Variants in RPS6KC1 observed in about 807,000 individuals in gnomAD.
RPS6KC1 encodes inactive ribosomal protein S6 kinase delta-1.
In RPS6KC1, 54 loss-of-function variants were observed where a neutral mutation model predicts 103.8. That is an observed-to-expected ratio of 0.52 (90% confidence interval 0.42 to 0.65). The LOEUF (loss-of-function observed/expected upper bound fraction) is 0.65, where lower values mean the gene tolerates loss of function less well. Among genes scored for constraint, RPS6KC1 ranks in the 30% least tolerant of loss-of-function variants. The pLI is 0.00. For missense variants in RPS6KC1, 1,151 were observed against 1,253.8 expected (o/e 0.92, Z 1.24); for synonymous variants, 439 against 438.7 (o/e 1.00, Z -0.01).
the RPS6KC1 span, among the ~76,000 whole-genome samples, chr1:213,825,579 G>C: frequency 1.3e-5 from 2 of 152,122 alleles, no homozygotes; most frequent in South Asian, 4.1e-4. Flanking sequence ...GCCCAGGTTA[G>C]AGTGACTCAT....
the RPS6KC1 span, among the ~76,000 whole-genome samples, chr1:213,637,262 G>T: frequency 1.3e-5 from 2 of 151,820 alleles, no homozygotes; most frequent in Non-Finnish European, 2.9e-5. Flanking sequence ...CCATTACTGG[G>T]TGTATACCCA....
At chr1:213,611,402 G>A in the RPS6KC1 span, among the ~76,000 whole-genome samples, 1 of 152,128 alleles carries the variant, frequency 6.6e-6, no homozygotes, top group African/African-American at 2.4e-5. Flanking sequence ...TGTTTGTTGG[G>A]GAGGGGTGGA....
At chr1:213,474,323 G>A in the RPS6KC1 span, among the ~76,000 whole-genome samples, 4 of 151,972 alleles carry the variant, frequency 2.6e-5, no homozygotes, top group Non-Finnish European at 4.4e-5. Flanking sequence ...AGCTTGCAGC[G>A]AACTGGTGCT....
At chr1:213,209,139 C>T (rs893443244) in intron 8 of RPS6KC1, among the ~76,000 whole-genome samples, 1 of 152,008 alleles carries the variant, frequency 6.6e-6, no homozygotes, top group Non-Finnish European at 1.5e-5. Flanking sequence ...TGTGATGTAC[C>T]CCTCTACCTG....
the RPS6KC1 span, among the ~76,000 whole-genome samples, chr1:213,701,177 T>C: frequency 6.6e-6 from 1 of 152,034 alleles, no homozygotes; most frequent in African/African-American, 2.4e-5. Context: ...TTTGGTGTGA[T>C]ACTAGCTGTG....
intron 8 of RPS6KC1, among the ~76,000 whole-genome samples, chr1:213,211,438 T>G (rs530133936): frequency 6.6e-6 from 1 of 152,302 alleles, no homozygotes; most frequent in Admixed American, 6.5e-5. Flanking sequence ...GCCTCCTAAG[T>G]GGTTGTTTCT....
At chr1:213,707,351 T>G in the RPS6KC1 span, among the ~76,000 whole-genome samples, 1 of 152,240 alleles carries the variant, frequency 6.6e-6, no homozygotes, top group Non-Finnish European at 1.5e-5. Context: ...TGTCTTCTTT[T>G]GAAAAGTGTC....
intron 8 of RPS6KC1, among the ~76,000 whole-genome samples, chr1:213,215,442 G>A (rs1175690725): frequency 2.0e-5 from 3 of 152,174 alleles, no homozygotes; most frequent in Non-Finnish European, 4.4e-5. Flanking sequence ...GAACCAAGTT[G>A]GAAAACACTC....
chr1:213,812,962 A>G, the RPS6KC1 span, among the ~76,000 whole-genome samples: 7 of 152,268 alleles, frequency 4.6e-5, no homozygotes, highest in Admixed American at 4.6e-4. Flanking sequence ...TTTTATGGCT[A>G]AAGATGTCGG....
chr1:213,123,272 A>G (rs763493488), intron 5 of RPS6KC1, among the ~76,000 whole-genome samples: 8 of 152,172 alleles, frequency 5.3e-5, no homozygotes, highest in Non-Finnish European at 2.9e-5. Context: ...CCTGGAGGCT[A>G]GAGAAAGTTA....
Position 213,151,627 on chromosome 1 carries a change from G to T in RPS6KC1, c.836-16231G>T, listed in dbSNP as rs2088940613. ...GACCCCCCCACCTCCATCCCAGACG[G>T]GGCGGCTGGCTGGGCAGAGGGGCTC... On this transcript the variant is annotated intron_variant, in intron 6 of 14. Coordinates refer to ENST00000366960, the MANE Select transcript of RPS6KC1 (RefSeq NM_012424.6). Among the ~76,000 whole-genome samples the T allele has an allele frequency of 3.2e-5, 3 of 92,726 alleles. 1 individual carries two copies. Among genetic ancestry groups the T allele is most frequent in the African/African-American group, 1.6e-4 (3 of 18,874 alleles). The allele number at this position is 92,726 out of a possible 152,430, so 60.8% of individuals were successfully genotyped here.
the RPS6KC1 span, among the ~76,000 whole-genome samples, chr1:213,634,329 G>C: frequency 1.4e-4 from 22 of 152,194 alleles, no homozygotes; most frequent in Non-Finnish European, 2.9e-4. Flanking sequence ...ATAGTTGGAA[G>C]TAAAGCACTC....
the RPS6KC1 span, among the ~76,000 whole-genome samples, chr1:213,740,647 T>G: frequency 8.2e-4 from 124 of 151,556 alleles, 1 homozygote; most frequent in African/African-American, 2.5e-3. Flanking sequence ...CACATACATA[T>G]ATCTCTCAGA....
At chr1:213,356,654 C>G in the RPS6KC1 span, among the ~76,000 whole-genome samples, 2 of 151,946 alleles carry the variant, frequency 1.3e-5, no homozygotes, top group Non-Finnish European at 2.9e-5. Flanking sequence ...AAAGCTCCAT[C>G]TCAAGAAAAA....
the RPS6KC1 span, among the ~76,000 whole-genome samples, chr1:213,563,256 A>C: frequency 6.6e-6 from 1 of 152,086 alleles, no homozygotes; most frequent in Admixed American, 6.5e-5. Flanking sequence ...ATTTCATCTG[A>C]TATCAATGTG....
At chr1:213,284,100 T>C in the RPS6KC1 span, among the ~76,000 whole-genome samples, 1 of 152,168 alleles carries the variant, frequency 6.6e-6, no homozygotes, top group African/African-American at 2.4e-5. Flanking sequence ...GAAAGATATT[T>C]TAAAAAGTAT....
the RPS6KC1 span, among the ~76,000 whole-genome samples, chr1:213,550,280 C>A: frequency 2.0e-5 from 3 of 152,122 alleles, no homozygotes; most frequent in East Asian, 5.8e-4. Flanking sequence ...TTGTTTCTTA[C>A]GAAATTGACT....
the RPS6KC1 span, among the ~76,000 whole-genome samples, chr1:213,341,984 T>C: frequency 6.6e-6 from 1 of 152,266 alleles, no homozygotes; most frequent in South Asian, 2.1e-4. Context: ...TATCAAACTT[T>C]GCCTCTTGGC....
chr1:213,657,116 C>A, the RPS6KC1 span, among the ~76,000 whole-genome samples: 1 of 152,048 alleles, frequency 6.6e-6, no homozygotes, highest in East Asian at 1.9e-4. Context: ...ATCTTGCATG[C>A]ACTCCTAGCA....
Sources: allele counts gnomAD v4.1 joint callset (sites outside exome capture counted in the v4.1 genomes callset), GRCh38; gene constraint gnomAD v4.1.1; transcripts MANE v1.5; gene names NCBI Gene and HGNC (gene_info 2026-07-23, HGNC 2026-07-21).